The following EXOC4 variants were observed in gnomAD, a reference collection of about 807,000 sequenced individuals.
EXOC4 encodes the protein SEC8-like 1.
In EXOC4, 71 loss-of-function variants were observed where a neutral mutation model predicts 107.2. The observed-to-expected ratio is 0.66, with a 90% CI of 0.55 to 0.81. The LOEUF is 0.81. EXOC4 is among the 30% of genes least tolerant of loss of function. EXOC4 has a pLI of 0.00. For synonymous variants in EXOC4, 456 were observed against 441.2 expected (o/e 1.03, Z -0.42); for missense variants, 1,108 against 1,189.6 (o/e 0.93, Z 1.01).
chr7:133,721,589 AT>A (rs1209724305), intron 10 of EXOC4, among the ~76,000 whole-genome samples: 1 of 152,206 alleles, frequency 6.6e-6, no homozygotes, highest in Non-Finnish European at 1.5e-5. Context: ...AAGTTTTTGA[AT>A]CTTTGTGGTC....
At chr7:133,991,628 A>G (rs1411135312) in intron 14 of EXOC4, among the ~76,000 whole-genome samples, 4 of 152,110 alleles carry the variant, frequency 2.6e-5, no homozygotes, top group African/African-American at 9.7e-5. Context: ...GACTTTTTTA[A>G]TAAGTTAAAA....
intron 3 of EXOC4, among the ~76,000 whole-genome samples, chr7:133,299,298 G>A (rs776480267): frequency 2.0e-5 from 3 of 151,946 alleles, no homozygotes; most frequent in Non-Finnish European, 4.4e-5. Flanking sequence ...ACCTTTAAAG[G>A]TCTCTTTCAA....
At chr7:133,810,596 CTTTAT>C (rs60838740) in intron 10 of EXOC4, among the ~76,000 whole-genome samples, 106 of 103,872 alleles carry the variant, frequency 1.0e-3, no homozygotes, top group African/African-American at 2.1e-3. Flanking sequence ...CCATGCTTTG[CTTTAT>C]TTTATTTTAT....
chr7:133,673,634 C>A (rs1385071345), intron 10 of EXOC4, among the ~76,000 whole-genome samples: 3 of 152,214 alleles, frequency 2.0e-5, no homozygotes, highest in Non-Finnish European at 4.4e-5. Flanking sequence ...ACCTTCCATT[C>A]TGTATTTGAT....
intron 9 of EXOC4, among the ~76,000 whole-genome samples, chr7:133,540,263 T>C (rs1466663286): frequency 1.3e-5 from 2 of 152,240 alleles, no homozygotes; most frequent in African/African-American, 4.8e-5. Context: ...GTAAACCACA[T>C]ACCATCTAAA....
At chr7:133,357,291 C>T (rs1796044688) in intron 6 of EXOC4, among the ~76,000 whole-genome samples, 1 of 152,142 alleles carries the variant, frequency 6.6e-6, no homozygotes. Flanking sequence ...CCACATATTG[C>T]AGTTAGGAGA....
At chr7:133,528,343 A>T (rs1800118521) in intron 9 of EXOC4, among the ~76,000 whole-genome samples, 1 of 152,170 alleles carries the variant, frequency 6.6e-6, no homozygotes. Context: ...GGTCAATGAG[A>T]TGTTAATATT....
At chr7:133,605,650 T>G (rs1477549132) in intron 9 of EXOC4, among the ~76,000 whole-genome samples, 1 of 152,196 alleles carries the variant, frequency 6.6e-6, no homozygotes, top group Non-Finnish European at 1.5e-5. Flanking sequence ...AGAGTTTGTT[T>G]TTGGACATAC....
intron 1 of EXOC4, among the ~76,000 whole-genome samples, chr7:133,255,614 T>A (rs1055798778): frequency 1.3e-5 from 2 of 152,226 alleles, no homozygotes; most frequent in African/African-American, 4.8e-5. Flanking sequence ...TGCATTGTTA[T>A]ATATGACCTT....
At chr7:134,094,909 T>A in the EXOC4 span, among the ~76,000 whole-genome samples, 1 of 152,056 alleles carries the variant, frequency 6.6e-6, no homozygotes, top group Non-Finnish European at 1.5e-5. Context: ...GGAACAAGGA[T>A]GCCTACTCTC....
At chr7:133,899,088 A>C (rs7798192) in intron 12 of EXOC4, among the ~76,000 whole-genome samples, 1 of 151,408 alleles carries the variant, frequency 6.6e-6, no homozygotes, top group Non-Finnish European at 1.5e-5. Flanking sequence ...TCCATTAAAT[A>C]TAAAGCTTTT....
At chr7:133,806,657 G>C (rs962856948) in intron 10 of EXOC4, among the ~76,000 whole-genome samples, 1 of 152,058 alleles carries the variant, frequency 6.6e-6, no homozygotes, top group African/African-American at 2.4e-5. Context: ...CTAACCTTAC[G>C]GGTGAACCTT....
At chr7:134,053,368 C>G (rs1164163309) in intron 17 of EXOC4, among the ~76,000 whole-genome samples, 2 of 152,034 alleles carry the variant, frequency 1.3e-5, no homozygotes, top group Non-Finnish European at 2.9e-5. Context: ...TGCTCTTAAT[C>G]ATTTAAGCCT....
intron 5 of EXOC4, among the ~76,000 whole-genome samples, chr7:133,332,272 T>C (rs1356060486): frequency 6.6e-6 from 1 of 152,204 alleles, no homozygotes; most frequent in Non-Finnish European, 1.5e-5. Context: ...ATGATTTTTA[T>C]GCTGCTATTT....
chr7:133,964,286 C>T (rs1424850915), intron 14 of EXOC4, among the ~76,000 whole-genome samples: 1 of 152,010 alleles, frequency 6.6e-6, no homozygotes, highest in Non-Finnish European at 1.5e-5. Context: ...ACAAAGCCAG[C>T]TAAGTTGAAG....
At chr7:133,439,850 T>C (rs574193854) in intron 7 of EXOC4, among the ~76,000 whole-genome samples, 1 of 152,186 alleles carries the variant, frequency 6.6e-6, no homozygotes, top group African/African-American at 2.4e-5. Flanking sequence ...AATTGTGTAA[T>C]GTGTAGAGAT....
the EXOC4 span, among the ~76,000 whole-genome samples, chr7:134,083,332 C>T: frequency 6.6e-6 from 1 of 152,196 alleles, no homozygotes; most frequent in African/African-American, 2.4e-5. Flanking sequence ...GTCCCTTGCT[C>T]ATGTCTAAGG....
chr7:133,659,592 G>T (rs1379601672), intron 10 of EXOC4, among the ~76,000 whole-genome samples: 3 of 152,150 alleles, frequency 2.0e-5, no homozygotes, highest in African/African-American at 7.2e-5. Flanking sequence ...ATCAGCAGGG[G>T]TTCTTATTGT....
intron 7 of EXOC4, among the ~76,000 whole-genome samples, chr7:133,390,012 T>C (rs141067270): frequency 6.6e-5 from 10 of 152,226 alleles, no homozygotes; most frequent in African/African-American, 2.2e-4. Flanking sequence ...TATGATTCAG[T>C]CACCTCCCAC....
Sources: gnomAD v4.1 joint callset for allele counts (sites outside exome capture counted in the v4.1 genomes callset) on GRCh38, gnomAD v4.1.1 for gene constraint, MANE v1.5 for transcripts, NCBI Gene and HGNC (gene_info 2026-07-23, HGNC 2026-07-21) for gene names.